Variants in DNAH3 observed in about 807,000 individuals in gnomAD.
DNAH3 encodes the protein axonemal beta dynein heavy chain 3.
A neutral mutation model predicts 432.5 loss-of-function variants in DNAH3; 332 were observed. The ratio of observed to expected loss-of-function variants is 0.77; its 90% confidence interval spans 0.70 to 0.84. The LOEUF (loss-of-function observed/expected upper bound fraction) is 0.84. DNAH3 is among the 40% of genes least tolerant of loss of function. The pLI is 0.00. For synonymous variants in DNAH3, 1,956 were observed against 1,900.2 expected (o/e 1.03, Z -0.76); for missense variants, 4,861 against 5,114.0 (o/e 0.95, Z 1.51).
intron 55 of DNAH3, 57 bp downstream of exon 55, chr16:20,954,756 C>G: frequency 2.5e-6 from 4 of 1,584,806 alleles, no homozygotes; most frequent in South Asian, 1.2e-5. Context: ...GGAAACACAC[C>G]TATATGTGTC....
chr16:21,120,889 C>G (rs368545178), intron 10 of DNAH3: 1 of 1,506,310 alleles, frequency 6.6e-7, no homozygotes, highest in Non-Finnish European at 9.2e-7. Context: ...ATTACAGGGT[C>G]TTTTCTTCCA....
At chr16:21,154,193 C>T (rs895890894) in intron 1 of DNAH3, among the ~76,000 whole-genome samples, 5 of 152,212 alleles carry the variant, frequency 3.3e-5, no homozygotes, top group Admixed American at 6.5e-5. Flanking sequence ...CGCCTGAGGT[C>T]AGGGGTTCAA....
chr16:21,060,517 TTTTTTTTTC>T (rs1484404391), intron 25 of DNAH3, among the ~76,000 whole-genome samples, 161 bp from the exon 26 acceptor site: 5 of 128,232 alleles, frequency 3.9e-5, no homozygotes, highest in East Asian at 5.4e-4. Context: ...TTTTTTTCTT[TTTTTTTTTC>T]TTTTTTTTTT....
chr16:20,980,945 G>A (rs1362909559), intron 49 of DNAH3, among the ~76,000 whole-genome samples: 4 of 152,184 alleles, frequency 2.6e-5, no homozygotes, highest in Non-Finnish European at 5.9e-5. Flanking sequence ...AACAGCCACA[G>A]ATGGTGTGTA....
intron 54 of DNAH3, among the ~76,000 whole-genome samples, chr16:20,958,072 A>T (rs1596951336): frequency 7.2e-6 from 1 of 138,072 alleles, no homozygotes; most frequent in South Asian, 2.3e-4. Flanking sequence ...AAACAGTAGA[A>T]TTTTTTTTTT....
At chr16:20,965,518 C>A (rs1026852306) in intron 52 of DNAH3, 93 bp from the exon 53 acceptor site, 44 of 1,104,400 alleles carry the variant, frequency 4.0e-5, no homozygotes, top group Non-Finnish European at 5.1e-5. Flanking sequence ...TGAGAAAAAA[C>A]AAAAACAAAA....
At chr16:21,141,149 A>AAAT in intron 4 of DNAH3, 151 bp downstream of exon 5, 3 of 558,718 alleles carry the variant, frequency 5.4e-6, no homozygotes, top group Non-Finnish European at 6.0e-6. Flanking sequence ...AAAAAAAAAA[A>AAAT]TTTTTTTTTT....
chr16:20,935,423 A>C, exon 61 of DNAH3: 2 of 1,613,682 alleles, frequency 1.2e-6, no homozygotes, highest in Non-Finnish European at 1.7e-6. Context: ...CAGTCAAAAA[A>C]GACTGTGTGA....
At chr16:21,120,922 T>C (rs2092325388) in intron 10 of DNAH3, 1 of 1,182,486 alleles carries the variant, frequency 8.5e-7, no homozygotes, top group Non-Finnish European at 1.2e-6. Context: ...GGATACTGGT[T>C]GTAGGAGAGC....
rs528482208 is a variant in DNAH3 at position 21,131,854 on chromosome 16, CAAAAAAA to C, written c.1082+2398_1082+2404del. On this transcript the variant is annotated intron_variant, in intron 7 of 61. Coordinates refer to ENST00000261383, the Ensembl canonical transcript of DNAH3. ...GGGCAACAAGAGTGAAACTCCATCT[CAAAAAAA>C]AAAAAAAAAAAAGGGGGAGAGAAAG... Among the ~76,000 whole-genome samples, 618 of 67,654 alleles carry C rather than the reference CAAAAAAA, an allele frequency of 9.1e-3. 4 individuals are homozygous for C. Among genetic ancestry groups the C allele is most frequent in the African/African-American group, 0.03 (572 of 19,080 alleles). The allele number at this position is 67,654 out of a possible 152,430, so 44.4% of individuals were successfully genotyped here.
chr16:21,006,094 C>T (rs1037560612), intron 41 of DNAH3, among the ~76,000 whole-genome samples: 9 of 152,074 alleles, frequency 5.9e-5, no homozygotes, highest in Non-Finnish European at 1.2e-4. Context: ...ATTATTTGGT[C>T]TCCATATCAA....
chr16:21,133,893 A>T (rs1467112550), intron 7 of DNAH3, among the ~76,000 whole-genome samples: 1 of 152,222 alleles, frequency 6.6e-6, no homozygotes, highest in African/African-American at 2.4e-5. Context: ...ACTCTTATTA[A>T]CATTATCGCA....
chr16:21,132,474 A>C (rs544966251), intron 7 of DNAH3, among the ~76,000 whole-genome samples: 4 of 152,194 alleles, frequency 2.6e-5, no homozygotes, highest in Non-Finnish European at 4.4e-5. Flanking sequence ...AAAAAACCAG[A>C]GTCTTCCACC....
intron 38 of DNAH3, among the ~76,000 whole-genome samples, chr16:21,026,617 C>G (rs1243262417): frequency 1.4e-5 from 2 of 143,878 alleles, no homozygotes; most frequent in Non-Finnish European, 3.0e-5. Flanking sequence ...AGGAGAATCG[C>G]TTGAACCTGG....
chr16:21,106,176 C>CCAAAAAA (rs1567800597), intron 15 of DNAH3, among the ~76,000 whole-genome samples: 1 of 99,516 alleles, frequency 1.0e-5, no homozygotes, highest in Non-Finnish European at 2.0e-5. Flanking sequence ...GAGACTCCAT[C>CCAAAAAA]TAAAAAAAAA....
chr16:21,016,220 A>T (rs1567640569), intron 41 of DNAH3, among the ~76,000 whole-genome samples: 1 of 152,212 alleles, frequency 6.6e-6, no homozygotes, highest in Admixed American at 6.5e-5. Flanking sequence ...CTATTTTAGG[A>T]AATCATCACA....
chr16:20,970,057 C>T lies in DNAH3; in HGVS notation c.8260-67G>A. On this transcript the variant is annotated intron_variant, in intron 51 of 61. Transcript: ENST00000261383. ...CTGGCACAATGGGGGCGAAGCAGAG[C>T]TCCACTCCTACATGAGGAAGAAGGA... 4 of 1,431,622 alleles carry T rather than the reference C, an allele frequency of 2.8e-6. No individual in the cohort carries two copies. The South Asian group carries it at 4.6e-5, about 16-fold the overall frequency. 88.7% of individuals were successfully genotyped at this position (1,431,622 alleles called of 1,614,324 possible).
At chr16:20,989,702 C>T (rs1204450351) in intron 44 of DNAH3, among the ~76,000 whole-genome samples, 3 of 152,336 alleles carry the variant, frequency 2.0e-5, no homozygotes, top group Non-Finnish European at 2.9e-5. Flanking sequence ...GGGTGGTGCT[C>T]GTCGGGGAGG....
At chr16:20,985,522 A>G in exon 48 of DNAH3, 1 of 1,614,186 alleles carries the variant, frequency 6.2e-7, no homozygotes, top group Non-Finnish European at 8.5e-7. Flanking sequence ...CCTGAACATG[A>G]CCAGGGACAT....
Sources: allele counts gnomAD v4.1 joint callset (sites outside exome capture counted in the v4.1 genomes callset), GRCh38; gene constraint gnomAD v4.1.1; transcripts MANE v1.5; gene names NCBI Gene and HGNC (gene_info 2026-07-23, HGNC 2026-07-21).